DSTYK: variants seen among roughly 807,000 people sequenced by gnomAD.
DSTYK encodes the protein dual serine/threonine and tyrosine protein kinase, also known as RIP-homologous kinase.
In DSTYK, 34 loss-of-function variants were observed where a neutral mutation model predicts 98.7. The ratio of observed to expected loss-of-function variants is 0.34; its 90% CI spans 0.26 to 0.46. The LOEUF (loss-of-function observed/expected upper bound fraction) is 0.46, where lower values mean the gene tolerates loss of function less well. DSTYK is among the 20% of genes least tolerant of loss of function. DSTYK has a pLI of 1.00. For synonymous variants in DSTYK, 462 were observed against 457.3 expected (o/e 1.01, Z -0.13); for missense variants, 962 against 1,181.7 (o/e 0.81, Z 2.73).
At chr1:205,210,555 G>T (rs536543617) in intron 1 of DSTYK, among the ~76,000 whole-genome samples, 1 of 152,116 alleles carries the variant, frequency 6.6e-6, no homozygotes, top group Non-Finnish European at 1.5e-5. Context: ...AGTGTTTGGG[G>T]GCCTCTGGCA....
At chr1:205,199,136 A>G (rs950566159) in intron 1 of DSTYK, among the ~76,000 whole-genome samples, 5 of 152,166 alleles carry the variant, frequency 3.3e-5, no homozygotes, top group African/African-American at 1.2e-4. Flanking sequence ...AAGCAAAACA[A>G]TCCTCAAGTC....
chr1:205,202,797 A>G, intron 1 of DSTYK: 1 of 578,746 alleles, frequency 1.7e-6, no homozygotes, highest in Admixed American at 2.8e-5. Flanking sequence ...AGGAAAGAAA[A>G]GAAAGTAAAT....
At chr1:205,151,902 G>A (rs1377313221) in intron 10 of DSTYK, among the ~76,000 whole-genome samples, 1 of 151,914 alleles carries the variant, frequency 6.6e-6, no homozygotes, top group Non-Finnish European at 1.5e-5. Context: ...TCCTGCCCAA[G>A]GTTGTCCTTA....
rs1659251478 is a variant in DSTYK, at chr1:205,207,772, A to G, written c.265+3499T>C. ...CTCTGTCTCAAAAAAAAAAAAAAAA[A>G]AAAAAAAAAAAAAAAAAAAAAGAAA... On this transcript the variant is annotated intron_variant, in intron 1 of 12. Coordinates refer to ENST00000367162, the MANE Select transcript of DSTYK (RefSeq NM_015375.3). Among the ~76,000 whole-genome samples the G allele has an allele frequency of 2.1e-5, 2 of 94,272 alleles. 1 individual carries two copies. Among genetic ancestry groups the G allele is most frequent in the African/African-American group, 6.7e-5 (2 of 29,898 alleles). 61.8% of individuals were successfully genotyped at this position (94,272 alleles called of 152,430 possible).
At position 205,169,641 on chromosome 1, in the gene DSTYK, C is replaced by T. The variant is rs770799231; in HGVS notation, c.846G>A (p.Pro282=). 1.4e-5 allele frequency: 22 copies of T among 1,614,094 alleles called. No homozygotes were observed. Among genetic ancestry groups the T allele is most frequent in the South Asian group, 9.9e-5 (9 of 91,094 alleles). ...AGTCTATTATCTCCGAGCCCAGTTTCGGCACTTTGAAAAAGAATACAGGAA... is the reference window on the plus strand; with the variant it reads ...AGTCTATTATCTCCGAGCCCAGTTTTGGCACTTTGAAAAAGAATACAGGAA... ...FSFPVFFFKV[P]KLGSEIIDSS... is the part of the protein sequence containing the mutation. The change falls in exon 3 of 13, where the codon CCG becomes CCA. Residue 282 remains proline, a synonymous_variant. Coordinates refer to ENST00000367162, the MANE Select transcript of DSTYK (RefSeq NM_015375.3). This position sits in a 1 kb window ranked among gnomAD's most constrained non-coding sequence, Gnocchi z 4.0.
intron 10 of DSTYK, among the ~76,000 whole-genome samples, chr1:205,152,635 T>TA (rs1392595474): frequency 6.6e-6 from 1 of 152,140 alleles, no homozygotes; most frequent in Non-Finnish European, 1.5e-5. Flanking sequence ...CTGAAAGGCT[T>TA]GGAACCAGAA....
intron 10 of DSTYK, among the ~76,000 whole-genome samples, chr1:205,154,211 GA>G (rs1476869051): frequency 6.6e-6 from 1 of 151,846 alleles, no homozygotes; most frequent in African/African-American, 2.4e-5. Context: ...AGTGTAGGGG[GA>G]AAAAACCTTA....
intron 2 of DSTYK, among the ~76,000 whole-genome samples, chr1:205,171,382 C>T (rs564654595): frequency 2.1e-5 from 3 of 146,328 alleles, no homozygotes; most frequent in Non-Finnish European, 3.0e-5. Flanking sequence ...ACCCAGGAGG[C>T]GGAGGTTGCA....
Position 205,211,395 on chromosome 1 carries a change from C to A in DSTYK, c.141G>T (p.Glu47Asp), listed in dbSNP as rs776759045. ...TGATGTCGCGGAAGAACTTCTGGGT[C>A]TCGCGCAGGTTCTGTCGCAGCCGTC... ...YLGRLRQNLRETQKFFRDIKC... is the reference protein window; with the variant it reads ...YLGRLRQNLRDTQKFFRDIKC... Residue 47 changes from glutamate (E) to aspartate (D), a missense_variant, in exon 1 of 13, where the codon GAG becomes GAT. Transcript: ENST00000367162. 1.2e-6 allele frequency: 2 copies of A among 1,611,886 alleles called. No homozygotes were observed.
At chr1:205,194,872 G>A (rs12078169) in intron 1 of DSTYK, among the ~76,000 whole-genome samples, 2,460 of 151,818 alleles carry the variant, frequency 0.016, 56 homozygotes, top group African/African-American at 0.056. Context: ...CAGCTCTGTC[G>A]CCCAGGCTGG....
At chr1:205,204,698 T>A (rs1045802955) in intron 1 of DSTYK, among the ~76,000 whole-genome samples, 1 of 152,112 alleles carries the variant, frequency 6.6e-6, no homozygotes. Context: ...TCCAGAGCAC[T>A]CTCATCTCCT....
At position 205,176,494 on chromosome 1, in the gene DSTYK, A is replaced by G. The variant is rs1209608032; in HGVS notation, c.655-6662T>C. ...TCCCTCTTAAAAAAAAAAAAAAAAA[A>G]AAAAAAAAAAAAAAAGAAATGCAAT... On this transcript the variant is annotated intron_variant, in intron 2 of 12. Coordinates refer to ENST00000367162, the MANE Select transcript of DSTYK (RefSeq NM_015375.3). Among the ~76,000 whole-genome samples, 8 of 139,660 alleles carry G rather than the reference A, an allele frequency of 5.7e-5. No homozygotes were observed. The East Asian group carries it at 1.4e-3, about 24-fold the overall frequency. 91.6% of individuals were successfully genotyped at this position (139,660 alleles called of 152,430 possible).
intron 9 of DSTYK, among the ~76,000 whole-genome samples, chr1:205,159,158 A>T (rs899061469): frequency 3.9e-5 from 6 of 152,222 alleles, no homozygotes; most frequent in Admixed American, 1.3e-4. Flanking sequence ...GCATGATCAT[A>T]GCTCATTGCA....
rs1242887451 is a variant in DSTYK at position 205,144,652 on chromosome 1, T to C, written c.*2906A>G. ...AATAACATCCCCAAATATCCATATGTGGACTTTGGCTGGCCTAGAGACTTT... is the reference window on the plus strand; with the variant it reads ...AATAACATCCCCAAATATCCATATGCGGACTTTGGCTGGCCTAGAGACTTT... On this transcript the variant is annotated 3_prime_UTR_variant, in exon 13 of 13. Coordinates refer to ENST00000367162, the MANE Select transcript of DSTYK (RefSeq NM_015375.3). 6.6e-6 allele frequency: 1 copy of C among 152,508 alleles called. No individual in the cohort carries two copies. Among genetic ancestry groups the C allele is most frequent in the Non-Finnish European group, 1.5e-5 (1 of 68,044 alleles). The allele number at this position is 152,508 out of a possible 1,614,324, so 9.4% of individuals were successfully genotyped here.
chr1:205,185,497 G>T (rs765364022), intron 2 of DSTYK, among the ~76,000 whole-genome samples: 1 of 152,148 alleles, frequency 6.6e-6, no homozygotes, highest in African/African-American at 2.4e-5. Flanking sequence ...ACAAGGGTGT[G>T]CCACTGAGAC....
chr1:205,151,199 G>A (rs1657392213), intron 10 of DSTYK, among the ~76,000 whole-genome samples: 1 of 152,084 alleles, frequency 6.6e-6, no homozygotes, highest in Non-Finnish European at 1.5e-5. Flanking sequence ...AGAAGTGGAA[G>A]TTGCTCTGGG....
chr1:205,153,359 G>T (rs1189030544), intron 10 of DSTYK, among the ~76,000 whole-genome samples: 2 of 152,086 alleles, frequency 1.3e-5, no homozygotes, highest in Non-Finnish European at 2.9e-5. Flanking sequence ...ACCCATCTCA[G>T]CCTTCATCCT....
chr1:205,174,189 G>A (rs566806184), intron 2 of DSTYK, among the ~76,000 whole-genome samples: 6 of 152,020 alleles, frequency 3.9e-5, no homozygotes, highest in Admixed American at 3.9e-4. Flanking sequence ...GACCAGCCTG[G>A]CCAACATGGC....
intron 12 of DSTYK, among the ~76,000 whole-genome samples, 178 bp from the exon 13 acceptor site, chr1:205,147,923 A>AG (rs1265556365): frequency 2.0e-5 from 3 of 151,896 alleles, no homozygotes; most frequent in Admixed American, 6.6e-5. Context: ...ATTAAAAAAA[A>AG]AAAGAAAGAA....
Sources: gnomAD v4.1 joint callset for allele counts (sites outside exome capture counted in the v4.1 genomes callset) on GRCh38, gnomAD v4.1.1 for gene constraint, Gnocchi (gnomAD v3.1) non-coding constraint, MANE v1.5 for transcripts, NCBI Gene and HGNC (gene_info 2026-07-23, HGNC 2026-07-21) for gene names.